Variants in FRMPD4 observed in about 807,000 individuals in gnomAD.
FRMPD4 encodes FERM and PDZ domain containing 4.
In FRMPD4, 22 loss-of-function variants were observed where a neutral mutation model predicts 94.1. The ratio of observed to expected loss-of-function variants is 0.23; its 90% CI spans 0.17 to 0.33. FRMPD4 has a LOEUF of 0.33. FRMPD4 is among the 10% of genes least tolerant of loss of function. FRMPD4 has a pLI of 1.00. For missense variants in FRMPD4, 1,111 were observed against 1,339.9 expected (o/e 0.83, Z 2.67); for synonymous variants, 631 against 548.6 (o/e 1.15, Z -2.10).
intron 3 of FRMPD4, among the ~76,000 whole-genome samples, chrX:12,031,756 C>T (rs1449780227): frequency 1.8e-5 from 2 of 111,553 alleles, no homozygotes; most frequent in Non-Finnish European, 3.8e-5. Flanking sequence ...AGGAGACTTA[C>T]GTAATCAGGT....
intron 9 of FRMPD4, among the ~76,000 whole-genome samples, chrX:12,700,720 T>A (rs1040232716): frequency 8.9e-6 from 1 of 112,658 alleles, no homozygotes; most frequent in Non-Finnish European, 1.9e-5. Flanking sequence ...ACCAATGTGC[T>A]GTGATAAAGC....
chrX:12,142,102 A>C (rs1049693689), intron 1 of FRMPD4, among the ~76,000 whole-genome samples: 33 of 111,706 alleles, frequency 3.0e-4, no homozygotes, highest in Non-Finnish European at 5.8e-4. Flanking sequence ...TTCTTTAAGC[A>C]AAACGGTAGA....
chrX:12,098,454 G>C (rs1244878121), intron 3 of FRMPD4, among the ~76,000 whole-genome samples: 1 of 112,249 alleles, frequency 8.9e-6, no homozygotes, highest in Non-Finnish European at 1.9e-5. Flanking sequence ...TAACCAAAAG[G>C]TGAGGCTATG....
intron 16 of FRMPD4, among the ~76,000 whole-genome samples, chrX:12,719,636 T>A (rs1189269597): frequency 8.9e-6 from 1 of 112,275 alleles, no homozygotes. Flanking sequence ...GATTTTCTAC[T>A]TTCTCAAAAC....
At chrX:12,114,336 G>A (rs943541532) in intron 3 of FRMPD4, among the ~76,000 whole-genome samples, 3 of 110,205 alleles carry the variant, frequency 2.7e-5, no homozygotes, top group Non-Finnish European at 3.8e-5. Context: ...GATTTCTGTC[G>A]TTTTAGCGTA....
At chrX:12,012,729 A>G (rs1330420919) in intron 3 of FRMPD4, among the ~76,000 whole-genome samples, 1 of 112,630 alleles carries the variant, frequency 8.9e-6, no homozygotes, top group Non-Finnish European at 1.9e-5. Context: ...GTCTCTTGGG[A>G]GAAGAACTAT....
intron 3 of FRMPD4, among the ~76,000 whole-genome samples, chrX:11,975,800 G>A (rs779380328): frequency 1.1e-4 from 12 of 111,655 alleles, no homozygotes; most frequent in South Asian, 3.8e-4. Context: ...GAGCCTCAAA[G>A]AAAGTTATAG....
rs1250028585 is a variant in FRMPD4 at position 12,712,694 on chromosome X, C to T, written c.1609+2157C>T. On this transcript the variant is annotated intron_variant, in intron 14 of 16. Transcript: ENST00000675598. ...AAAGAACAAAAAAGGAGGTGATAGG[C>T]GTGCACTGGGTTTGGCAGTAAACAT... Among the ~76,000 whole-genome samples the T allele has an allele frequency of 6.3e-5, 7 of 111,670 alleles. No homozygotes were observed. In the Admixed American group the frequency reaches 6.6e-4, roughly 11 times the overall value.
chrX:12,176,844 C>T (rs2056301737), intron 1 of FRMPD4, among the ~76,000 whole-genome samples: 1 of 112,015 alleles, frequency 8.9e-6, no homozygotes, highest in East Asian at 2.8e-4. Context: ...AGATGAGTTT[C>T]TTTTGCCTGG....
At chrX:11,876,591 C>T (rs1419104498) in intron 2 of FRMPD4, among the ~76,000 whole-genome samples, 1 of 111,817 alleles carries the variant, frequency 8.9e-6, no homozygotes, top group Admixed American at 9.5e-5. Context: ...TTCCAAATAG[C>T]AGGATTTGGG....
At chrX:12,595,312 C>T (rs73444900) in intron 2 of FRMPD4, among the ~76,000 whole-genome samples, 1,979 of 111,227 alleles carry the variant, frequency 0.018, 41 homozygotes, top group African/African-American at 0.059. Context: ...CTTGTGTGGC[C>T]CAGAAAGTAA....
intron 3 of FRMPD4, among the ~76,000 whole-genome samples, chrX:11,900,958 C>T (rs1466173498): frequency 4.5e-5 from 5 of 111,379 alleles, no homozygotes; most frequent in Admixed American, 1.9e-4. Context: ...GCCACCACAT[C>T]AGTGGTTCAT....
chrX:12,602,633 C>T lies in FRMPD4; in HGVS notation c.159-7088C>T, dbSNP rs73446811. Reference sequence around the variant, plus strand: ...GCATGAGCTTTTGGTACATACCAAACATCCCCCAAATTCAGTGTCATAAAA... The same window carrying T: ...GCATGAGCTTTTGGTACATACCAAATATCCCCCAAATTCAGTGTCATAAAA... On this transcript the variant is annotated intron_variant, in intron 2 of 16. Transcript: ENST00000675598. 8.7e-3 allele frequency among the ~76,000 whole-genome samples: 978 copies of T among 112,120 alleles called. 10 individuals carry two copies. Among genetic ancestry groups the T allele is most frequent in the African/African-American group, 0.03 (917 of 30,812 alleles).
intron 3 of FRMPD4, among the ~76,000 whole-genome samples, chrX:12,125,859 C>A (rs1424016665): frequency 4.5e-5 from 5 of 111,897 alleles, no homozygotes; most frequent in Non-Finnish European, 9.4e-5. Flanking sequence ...AAGCTCTGCC[C>A]TGCTCACTGA....
chrX:11,978,176 GC>G (rs1408628246), intron 3 of FRMPD4, among the ~76,000 whole-genome samples: 16 of 108,421 alleles, frequency 1.5e-4, no homozygotes, highest in African/African-American at 5.4e-4. Flanking sequence ...CAAAAAATTA[GC>G]CGGGTGTGGT....
chrX:12,309,299 C>A (rs12850486), intron 1 of FRMPD4, among the ~76,000 whole-genome samples: 45,747 of 109,463 alleles, frequency 0.42, 7,401 homozygotes, highest in African/African-American at 0.57. Flanking sequence ...ACTGTCTCTG[C>A]GAGACACTTA....
At chrX:12,006,731 CAG>C (rs1423873102) in intron 3 of FRMPD4, among the ~76,000 whole-genome samples, 1 of 111,839 alleles carries the variant, frequency 8.9e-6, no homozygotes, top group Non-Finnish European at 1.9e-5. Context: ...CATCAATTTT[CAG>C]AGAGCAGGAG....
rs1280344700 is a variant in FRMPD4, at chrX:12,545,112, C to T, written c.158+46316C>T. Among the ~76,000 whole-genome samples, 5 of 111,921 alleles carry T rather than the reference C, an allele frequency of 4.5e-5. No individual in the cohort carries two copies. In the East Asian group the frequency reaches 1.4e-3, roughly 31 times the overall value. ...GCCTGTCACCACAACTGGTAAGCCT[C>T]TTCTGTTAGCACACGGAATTGCAGA... On this transcript the variant is annotated intron_variant, in intron 2 of 16. Transcript: ENST00000675598.
Position 12,266,072 on chromosome X carries a change from G to A in FRMPD4, c.41+127060G>A, listed in dbSNP as rs1366294003. Among the ~76,000 whole-genome samples, 3 of 95,120 alleles carry A rather than the reference G, an allele frequency of 3.2e-5. No individual in the cohort carries two copies. The East Asian group carries it at 9.6e-4, about 30-fold the overall frequency. 82.6% of individuals were successfully genotyped at this position (95,120 alleles called of 115,157 possible). On this transcript the variant is annotated intron_variant, in intron 1 of 16. Coordinates refer to ENST00000675598, the MANE Select transcript of FRMPD4 (RefSeq NM_001368397.1). ...GGCGTGAACCCGGGAGGCGGAGCTT[G>A]CAGTGAGCCGAGATCAAGCCACTGC...
Sources: allele counts gnomAD v4.1 joint callset (sites outside exome capture counted in the v4.1 genomes callset), GRCh38; gene constraint gnomAD v4.1.1; transcripts MANE v1.5; gene names NCBI Gene and HGNC (gene_info 2026-07-23, HGNC 2026-07-21).